Variants in AKAP17A observed in about 807,000 individuals in gnomAD.
The protein encoded by AKAP17A is A-kinase anchoring protein 17A, also known as A-kinase anchor protein 17A.
In AKAP17A, 15 loss-of-function variants were observed where a neutral mutation model predicts 52.2. That is an observed-to-expected ratio of 0.29 (90% CI 0.19 to 0.44). The LOEUF (loss-of-function observed/expected upper bound fraction) is 0.44, where lower values mean the gene tolerates loss of function less well. AKAP17A is among the 20% of genes least tolerant of loss of function. The pLI is 1.00. For synonymous variants in AKAP17A, 514 were observed against 424.7 expected, an observed-to-expected ratio of 1.21 and a Z score of -2.58; for missense variants, 1,060 against 1,007.0, an observed-to-expected ratio of 1.05 and a Z score of -0.71.
intron 4 of AKAP17A, chrX:1,600,378 C>A: frequency 4.8e-6 from 3 of 627,668 alleles, no homozygotes; most frequent in Admixed American, 2.9e-5. Context: ...CGGCTCTGCC[C>A]AAGAGGCCCG....
intron 3 of AKAP17A, among the ~76,000 whole-genome samples, chrX:1,596,157 G>C (rs1224069207): frequency 1.3e-5 from 2 of 150,082 alleles, no homozygotes; most frequent in Admixed American, 1.3e-4. Context: ...TTGGCTGTTT[G>C]CAAGTTTGCA....
intron 3 of AKAP17A, among the ~76,000 whole-genome samples, chrX:1,598,980 G>A (rs1217982225): frequency 6.6e-5 from 10 of 152,200 alleles, no homozygotes; most frequent in Admixed American, 3.9e-4. Flanking sequence ...TAGCAGGACG[G>A]TGTGTTGGAA....
Position 1,601,028 on chromosome X carries a change from G to T in AKAP17A, c.1522G>T (p.Ala508Ser). ...CCCGGCCCACCCAGAGGCCGACGGCGCTCCCAAAAGCGTGAACGGGAGCGT... is the reference window on the plus strand; with the variant it reads ...CCCGGCCCACCCAGAGGCCGACGGCTCTCCCAAAAGCGTGAACGGGAGCGT... ...ESPAHPEADG[A>S]PKSVNGSVAE... is the part of the protein sequence containing the mutation. Residue 508 changes from alanine (A) to serine (S), a missense_variant, in exon 5 of 5, where the codon GCT (alanine) becomes TCT (serine). Transcript: ENST00000313871. 6.2e-7 allele frequency: 1 copy of T among 1,611,684 alleles called. No homozygotes were observed. The highest frequency in any genetic ancestry group is 8.5e-7 in the Non-Finnish European group (1 of 1,179,350).
intron 4 of AKAP17A, chrX:1,600,276 T>C (rs1933283202): frequency 1.8e-6 from 2 of 1,091,152 alleles, no homozygotes; most frequent in Non-Finnish European, 2.5e-6. Context: ...GGCATGCGTC[T>C]GCGGCGTCAT....
At chrX:1,598,064 G>A (rs189799932) in intron 3 of AKAP17A, among the ~76,000 whole-genome samples, 7 of 151,974 alleles carry the variant, frequency 4.6e-5, no homozygotes, top group Middle Eastern at 3.4e-3. Context: ...CAGCCCTCAC[G>A]TGTAACTTTG....
Position 1,600,807 on chromosome X carries a change from T to C in AKAP17A, c.1301T>C (p.Leu434Pro), listed in dbSNP as rs2149446468. Reference protein sequence around the residue: ...ALGLQRKERELRERLLSILLS... With the variant: ...ALGLQRKEREPRERLLSILLS... ...GGCCTGCAGCGGAAAGAGCGGGAGC[T>C]GCGCGAGCGGCTGCTGAGCATCCTG... is the stretch of plus-strand genomic sequence containing the variant. The change falls in exon 5 of 5, where the codon CTG becomes CCG. Residue 434 changes from leucine to proline, a missense_variant. Around this residue, in one of 2 missense-constraint regions of AKAP17A, gnomAD observed 793 missense variants for 629.9 expected, o/e 1.26. Coordinates refer to ENST00000313871, the MANE Select transcript of AKAP17A (RefSeq NM_005088.3). 6.3e-7 allele frequency: 1 copy of C among 1,590,504 alleles called. No homozygotes were observed. The highest frequency in any genetic ancestry group is 8.5e-7 in the Non-Finnish European group (1 of 1,173,082).
intron 3 of AKAP17A, among the ~76,000 whole-genome samples, chrX:1,597,543 A>G (rs1415839623): frequency 2.0e-5 from 3 of 151,984 alleles, no homozygotes; most frequent in Admixed American, 6.6e-5. Context: ...GGTGGGAGAC[A>G]GTCCTGGGGC....
rs1395496071 is a variant in AKAP17A, at chrX:1,600,757, G to A, written c.1251G>A (p.Val417=). The A allele has an allele frequency of 2.6e-6, 4 of 1,561,996 alleles. No individual in the cohort carries two copies. Among genetic ancestry groups the A allele is most frequent in the Non-Finnish European group, 3.5e-6 (4 of 1,158,118 alleles). Residue 417 remains valine (V), a synonymous_variant, in exon 5 of 5, where the codon GTG becomes GTA. Coordinates refer to ENST00000313871, the MANE Select transcript of AKAP17A (RefSeq NM_005088.3). Reference sequence around the variant, plus strand: ...TGCAGGAGGCCGAGCTGCGGCGCGTGGAGGAGGAGAAGGAGCGCGCGCTGG... The same window carrying A: ...TGCAGGAGGCCGAGCTGCGGCGCGTAGAGGAGGAGAAGGAGCGCGCGCTGG... ...RRLQEAELRR[V]EEEKERALGL...
intron 1 of AKAP17A, 100 bp from the exon 2 acceptor site, chrX:1,593,344 C>T: frequency 9.9e-6 from 12 of 1,208,118 alleles, no homozygotes; most frequent in Non-Finnish European, 1.1e-5. Context: ...ACTGCTGTTT[C>T]TCTTCTCCGG....
chrX:1,594,935 G>A (rs1378528612), intron 2 of AKAP17A, among the ~76,000 whole-genome samples: 1 of 152,302 alleles, frequency 6.6e-6, no homozygotes, highest in East Asian at 1.9e-4. Context: ...TGTTTTGACC[G>A]TGTTGGCTTC....
chrX:1,599,405 C>T lies in AKAP17A; in HGVS notation c.1125C>T (p.Leu375=), dbSNP rs1933220912. 2 of 1,568,922 alleles carry T rather than the reference C, an allele frequency of 1.3e-6. No individual in the cohort carries two copies. Among genetic ancestry groups the T allele is most frequent in the Non-Finnish European group, 1.7e-6 (2 of 1,158,088 alleles). Residue 375 remains leucine (L), a synonymous_variant, in exon 4 of 5, where the codon CTC becomes CTT. Coordinates refer to ENST00000313871, the MANE Select transcript of AKAP17A (RefSeq NM_005088.3). The stretch of plus-strand genomic sequence containing the variant: ...AGAGGAACCTGCAGTCCATCCGGCT[C>T]ATCGCCGAGCTGCTCAGCAGAGCCA... The part of the protein sequence containing the change: ...LAQRNLQSIR[L]IAELLSRAKA...
In AKAP17A at chrX:1,600,659, G is replaced by A; in HGVS notation, c.1153G>A (p.Ala385Thr). The A allele has an allele frequency of 6.5e-7, 1 of 1,536,514 alleles. No individual in the cohort carries two copies. Among genetic ancestry groups the A allele is most frequent in the Non-Finnish European group, 8.8e-7 (1 of 1,140,734 alleles). The change falls in exon 5 of 5, where the codon GCT becomes ACT. Residue 385 changes from alanine (A) to threonine (T), a missense_variant and splice_region_variant. Physicochemically the swap from Ala to Thr is moderately conservative, Grantham distance 58 (BLOSUM62 0). Transcript: ENST00000313871. ...AGCTGCACTTTCCTCTTCCCCGCAGGCTGTGAAGCTACGGGAACAGGAGCA... is the reference window on the plus strand; with the variant it reads ...AGCTGCACTTTCCTCTTCCCCGCAGACTGTGAAGCTACGGGAACAGGAGCA... ...LIAELLSRAKAVKLREQEQKE... is the reference protein window; with the variant it reads ...LIAELLSRAKTVKLREQEQKE...
chrX:1,599,358 G>C lies in AKAP17A; in HGVS notation c.1078G>C (p.Glu360Gln). 1 of 1,593,242 alleles carries C rather than the reference G, an allele frequency of 6.3e-7. No individual in the cohort carries two copies. Among genetic ancestry groups the C allele is most frequent in the Non-Finnish European group, 8.5e-7 (1 of 1,171,020 alleles). The change falls in exon 4 of 5, where the codon GAG becomes CAG. Residue 360 changes from glutamate to glutamine, a missense_variant. Physicochemically the swap from Glu to Gln is conservative, Grantham distance 29. This residue lies in a region of AKAP17A where 793 missense variants were observed against 629.9 expected (regional missense o/e 1.26). Transcript: ENST00000313871. ...KQLQEKIKLEERKLLLAQRNL... is the reference protein window; with the variant it reads ...KQLQEKIKLEQRKLLLAQRNL... ...GCTGCAGGAGAAGATCAAGCTGGAG[G>C]AGCGCAAGCTGCTGCTGGCCCAGAG...
In AKAP17A at chrX:1,600,723, GGCGGCGGCTGCAGGAGGCCGAGCT is replaced by G; in HGVS notation, c.1224_1247del (p.Leu409_Arg416del). 1 of 1,546,770 alleles carries G rather than the reference GGCGGCGGCTGCAGGAGGCCGAGCT, an allele frequency of 6.5e-7. No homozygotes were observed. The highest frequency in any genetic ancestry group is 8.7e-7 in the Non-Finnish European group (1 of 1,147,812). ...CTGAGGCTCCAGCAGCAGGAGGAGC[GGCGGCGGCTGCAGGAGGCCGAGCT>G]GCGGCGCGTGGAGGAGGAGAAGGAG... On this transcript the variant is annotated inframe_deletion, in exon 5 of 5. Coordinates refer to ENST00000313871, the MANE Select transcript of AKAP17A (RefSeq NM_005088.3).
At chrX:1,597,533 G>C (rs1402418452) in intron 3 of AKAP17A, among the ~76,000 whole-genome samples, 1 of 152,066 alleles carries the variant, frequency 6.6e-6, no homozygotes, top group Non-Finnish European at 1.5e-5. Flanking sequence ...GGACAGCTGG[G>C]GTGGGAGACA....
In AKAP17A at chrX:1,600,998, G is replaced by C. The variant is rs374350278; in HGVS notation, c.1492G>C (p.Glu498Gln). 1.6e-4 allele frequency: 250 copies of C among 1,604,432 alleles called. No homozygotes were observed. The highest frequency in any genetic ancestry group is 2.0e-4 in the Non-Finnish European group (232 of 1,176,596). The change falls in exon 5 of 5, where the codon GAG becomes CAG. Residue 498 changes from glutamate (E) to glutamine (Q), a missense_variant. Around this residue, in one of 2 missense-constraint regions of AKAP17A, gnomAD observed 793 missense variants for 629.9 expected, o/e 1.26. Transcript: ENST00000313871. Reference protein sequence around the residue: ...GGQPPAGAPKESPAHPEADGA... With the variant: ...GGQPPAGAPKQSPAHPEADGA... ...CCAGCCCCCGGCCGGTGCCCCCAAG[G>C]AGAGCCCGGCCCACCCAGAGGCCGA...
At chrX:1,597,839 C>T (rs1267220154) in intron 3 of AKAP17A, among the ~76,000 whole-genome samples, 1 of 152,102 alleles carries the variant, frequency 6.6e-6, no homozygotes, top group South Asian at 2.1e-4. Context: ...GGGGCCGGGC[C>T]ATGAGGTTCT....
intron 4 of AKAP17A, chrX:1,600,013 C>T (rs1933268266): frequency 1.9e-6 from 1 of 538,340 alleles, no homozygotes; most frequent in Non-Finnish European, 3.3e-6. Context: ...AGCCCGGGGC[C>T]AGGGCCCACA....
chrX:1,596,090 C>T (rs1932962699), intron 3 of AKAP17A, among the ~76,000 whole-genome samples: 3 of 152,006 alleles, frequency 2.0e-5, no homozygotes, highest in Admixed American at 2.0e-4. Flanking sequence ...GCCCGAAGAG[C>T]CACCTCTTCT....
Sources: gnomAD v4.1 joint callset for allele counts (sites outside exome capture counted in the v4.1 genomes callset) on GRCh38, gnomAD v4.1.1 for gene constraint, gnomAD v4.1.1 regional missense constraint, MANE v1.5 for transcripts, NCBI Gene and HGNC (gene_info 2026-07-23, HGNC 2026-07-21) for gene names.